The following ST6GALNAC3 variants were observed in gnomAD, a reference collection of about 807,000 sequenced individuals.
The protein encoded by ST6GALNAC3 is alpha-N-acetylgalactosaminide alpha-2,6-sialyltransferase 3.
ST6GALNAC3 carries 25 observed loss-of-function variants against 32.7 expected under a neutral mutation model. The observed-to-expected ratio is 0.76, with a 90% confidence interval of 0.56 to 1.07. The LOEUF (loss-of-function observed/expected upper bound fraction) is 1.07, where lower values mean the gene tolerates loss of function less well. ST6GALNAC3 is among the 50% of genes least tolerant of loss of function. The pLI is 0.00. For missense variants in ST6GALNAC3, 355 were observed against 382.4 expected, an observed-to-expected ratio of 0.93 and a Z score of 0.60; for synonymous variants, 129 against 133.1, an observed-to-expected ratio of 0.97 and a Z score of 0.21.
At chr1:76,358,505 TG>T (rs1649674060) in intron 2 of ST6GALNAC3, among the ~76,000 whole-genome samples, 1 of 152,170 alleles carries the variant, frequency 6.6e-6, no homozygotes, top group African/African-American at 2.4e-5. Flanking sequence ...TACCTCCTAA[TG>T]TATCTAAAAT....
intron 3 of ST6GALNAC3, among the ~76,000 whole-genome samples, chr1:76,494,762 C>CAG (rs1300280225): frequency 1.3e-5 from 2 of 151,310 alleles, no homozygotes; most frequent in Non-Finnish European, 2.9e-5. Context: ...CACACACACA[C>CAG]ACACACATAT....
chr1:76,612,455 T>C (rs1366547886), intron 3 of ST6GALNAC3, among the ~76,000 whole-genome samples: 1 of 152,146 alleles, frequency 6.6e-6, no homozygotes, highest in Non-Finnish European at 1.5e-5. Flanking sequence ...AAAAGTCAAA[T>C]GACATTCATA....
intron 3 of ST6GALNAC3, among the ~76,000 whole-genome samples, chr1:76,463,658 G>T (rs879611194): frequency 6.6e-6 from 1 of 152,122 alleles, no homozygotes; most frequent in Non-Finnish European, 1.5e-5. Context: ...TTTCTGCTCT[G>T]AAGAGTCTTC....
intron 1 of ST6GALNAC3, among the ~76,000 whole-genome samples, chr1:76,248,530 C>T (rs551429987): frequency 3.5e-4 from 53 of 152,196 alleles, no homozygotes; most frequent in East Asian, 1.5e-3. Flanking sequence ...ATCAAATCAC[C>T]GCCCCTTAGA....
intron 1 of ST6GALNAC3, among the ~76,000 whole-genome samples, chr1:76,215,148 G>A (rs1570462912): frequency 6.6e-6 from 1 of 152,198 alleles, no homozygotes; most frequent in East Asian, 1.9e-4. Flanking sequence ...GATGACCCAA[G>A]ATGGAGTAAG....
intron 3 of ST6GALNAC3, among the ~76,000 whole-genome samples, chr1:76,586,045 A>C (rs538765775): frequency 1.2e-4 from 18 of 152,322 alleles, no homozygotes; most frequent in African/African-American, 4.1e-4. Context: ...GGCTCATTTC[A>C]ACTACTTTGA....
intron 1 of ST6GALNAC3, among the ~76,000 whole-genome samples, chr1:76,095,902 TC>T (rs1018697585): frequency 6.6e-6 from 1 of 152,160 alleles, no homozygotes; most frequent in African/African-American, 2.4e-5. Context: ...CACCGGGCCC[TC>T]GGACATGCCC....
chr1:76,355,249 A>G (rs921926643), intron 2 of ST6GALNAC3, among the ~76,000 whole-genome samples: 5 of 152,220 alleles, frequency 3.3e-5, no homozygotes, highest in African/African-American at 1.2e-4. Flanking sequence ...TCTTTTAAAG[A>G]AAACATTTTA....
chr1:76,355,999 TA>T (rs1268358960), intron 2 of ST6GALNAC3, among the ~76,000 whole-genome samples: 1 of 152,220 alleles, frequency 6.6e-6, no homozygotes, highest in Non-Finnish European at 1.5e-5. Context: ...AGTGATATTT[TA>T]TAGGCAATAA....
chr1:76,101,284 C>A (rs1409917767), intron 1 of ST6GALNAC3, among the ~76,000 whole-genome samples: 4 of 152,172 alleles, frequency 2.6e-5, no homozygotes, highest in Non-Finnish European at 5.9e-5. Flanking sequence ...ACATTGGCTT[C>A]TTTCACTTAC....
intron 2 of ST6GALNAC3, among the ~76,000 whole-genome samples, chr1:76,389,298 T>C (rs1032513072): frequency 2.6e-5 from 4 of 151,918 alleles, no homozygotes; most frequent in African/African-American, 9.7e-5. Context: ...CATGGCATGG[T>C]TGAGAAATGT....
chr1:76,295,367 G>A (rs1002464893), intron 1 of ST6GALNAC3, among the ~76,000 whole-genome samples: 10 of 151,992 alleles, frequency 6.6e-5, no homozygotes, highest in African/African-American at 1.9e-4. Flanking sequence ...GTTGGACCTC[G>A]GTACTATTGC....
At chr1:76,087,642 C>T (rs554947134) in intron 1 of ST6GALNAC3, among the ~76,000 whole-genome samples, 26 of 152,270 alleles carry the variant, frequency 1.7e-4, no homozygotes, top group African/African-American at 6.0e-4. Context: ...GAGGTACATC[C>T]ACCTAGGTGA....
chr1:76,554,336 T>G (rs1203990878), intron 3 of ST6GALNAC3, among the ~76,000 whole-genome samples: 1 of 152,136 alleles, frequency 6.6e-6, no homozygotes, highest in African/African-American at 2.4e-5. Flanking sequence ...TAATTAGAGT[T>G]CCAGATATAC....
chr1:76,307,767 C>T (rs1661148007), intron 1 of ST6GALNAC3: 1 of 215,284 alleles, frequency 4.6e-6, no homozygotes, highest in Admixed American at 5.0e-5. Flanking sequence ...AAGACTACTT[C>T]TACAGTAGAA....
At chr1:76,121,558 T>C (rs577221188) in intron 1 of ST6GALNAC3, among the ~76,000 whole-genome samples, 116 of 152,036 alleles carry the variant, frequency 7.6e-4, no homozygotes, top group African/African-American at 2.7e-3. Flanking sequence ...CTACTAAAAA[T>C]ACAAAAAATT....
intron 1 of ST6GALNAC3, among the ~76,000 whole-genome samples, chr1:76,113,664 C>T (rs538734786): frequency 1.1e-4 from 17 of 152,122 alleles, no homozygotes; most frequent in Non-Finnish European, 2.2e-4. Context: ...TATTTGACTG[C>T]TTCAGAGAGA....
chr1:76,303,163 C>T (rs1028298345), intron 1 of ST6GALNAC3, among the ~76,000 whole-genome samples: 8 of 151,700 alleles, frequency 5.3e-5, no homozygotes, highest in Admixed American at 2.0e-4. Flanking sequence ...CATTTCTATG[C>T]AAACGAAGAC....
At chr1:76,263,066 C>T (rs1202612776) in intron 1 of ST6GALNAC3, among the ~76,000 whole-genome samples, 1 of 152,098 alleles carries the variant, frequency 6.6e-6, no homozygotes, top group East Asian at 1.9e-4. Flanking sequence ...GATCTTTAAT[C>T]TTATGACTAT....
Sources: allele counts gnomAD v4.1 joint callset (sites outside exome capture counted in the v4.1 genomes callset), GRCh38; gene constraint gnomAD v4.1.1; transcripts MANE v1.5; gene names NCBI Gene and HGNC (gene_info 2026-07-23, HGNC 2026-07-21).